The following GRXCR1 variants were observed in gnomAD, a reference collection of about 807,000 sequenced individuals.
GRXCR1 encodes the protein glutaredoxin and cysteine rich domain containing 1.
In GRXCR1, 27 loss-of-function variants were observed where a neutral mutation model predicts 27.3. The ratio of observed to expected loss-of-function variants is 0.99; its 90% CI spans 0.73 to 1.37. The LOEUF is 1.37. GRXCR1 is among the 40% of genes most tolerant of loss of function. The probability of loss-of-function intolerance (pLI) is 0.00; values close to 1 mark genes in which losing one functional copy is unlikely to be tolerated. For synonymous variants in GRXCR1, 122 were observed against 131.1 expected, an observed-to-expected ratio of 0.93 and a Z score of 0.47; for missense variants, 379 against 354.4, an observed-to-expected ratio of 1.07 and a Z score of -0.56.
rs544662513 is a variant in GRXCR1, at chr4:43,029,980, A to G, written c.694-381A>G. Among the ~76,000 whole-genome samples the G allele has an allele frequency of 1.7e-4, 26 of 152,324 alleles. No homozygotes were observed. The East Asian group carries it at 3.3e-3, about 19-fold the overall frequency. On this transcript the variant is annotated intron_variant, in intron 3 of 3. Coordinates refer to ENST00000399770, the MANE Select transcript of GRXCR1 (RefSeq NM_001080476.3). ...ATATGCTATTCTATAAACAGACATG[A>G]AACTGTTAAATGATACTAATGGGAA... is the stretch of plus-strand genomic sequence containing the variant.
intron 1 of GRXCR1, among the ~76,000 whole-genome samples, chr4:42,910,376 A>T (rs898964110): frequency 1.3e-5 from 2 of 151,594 alleles, no homozygotes; most frequent in Admixed American, 1.3e-4. Context: ...AATATTTAGA[A>T]TGACTTTCAG....
At chr4:42,944,300 G>T (rs1747693605) in intron 1 of GRXCR1, among the ~76,000 whole-genome samples, 1 of 151,942 alleles carries the variant, frequency 6.6e-6, no homozygotes, top group Non-Finnish European at 1.5e-5. Flanking sequence ...TTTTAAATGT[G>T]CTATGTCTGT....
At chr4:42,922,511 G>A (rs772151739) in intron 1 of GRXCR1, among the ~76,000 whole-genome samples, 18 of 152,120 alleles carry the variant, frequency 1.2e-4, no homozygotes, top group Admixed American at 5.2e-4. Context: ...CCCATCTGGA[G>A]AGATAGTTCT....
At chr4:42,987,331 G>A (rs904141382) in intron 2 of GRXCR1, among the ~76,000 whole-genome samples, 3 of 144,564 alleles carry the variant, frequency 2.1e-5, no homozygotes, top group Admixed American at 7.2e-5. Context: ...CATCCAGACT[G>A]AAGTGTGGTG....
chr4:42,924,958 A>T (rs764173480), intron 1 of GRXCR1, among the ~76,000 whole-genome samples: 1 of 152,012 alleles, frequency 6.6e-6, no homozygotes, highest in Non-Finnish European at 1.5e-5. Context: ...CCTGTAAACA[A>T]TATGCATTTG....
intron 2 of GRXCR1, among the ~76,000 whole-genome samples, chr4:42,985,452 G>A (rs1711684343): frequency 6.6e-6 from 1 of 152,006 alleles, no homozygotes; most frequent in South Asian, 2.1e-4. Context: ...CTGCTATTCT[G>A]TAGGTAGGTG....
intron 2 of GRXCR1, among the ~76,000 whole-genome samples, chr4:42,963,747 T>C (rs192153063): frequency 2.6e-4 from 40 of 152,086 alleles, no homozygotes; most frequent in African/African-American, 8.2e-4. Flanking sequence ...TTAACTCCCA[T>C]TGATCTGTGA....
In GRXCR1 at chr4:42,955,020, G is replaced by A. The variant is rs528453167; in HGVS notation, c.385-7872G>A. On this transcript the variant is annotated intron_variant, in intron 1 of 3. Transcript: ENST00000399770. ...ACAGAATATCATGGAGAGGGAGAGA[G>A]AGCGATATATGTAAAATTTCTTGCC... Among the ~76,000 whole-genome samples, 11 of 152,190 alleles carry A rather than the reference G, an allele frequency of 7.2e-5. No homozygotes were observed. The East Asian group carries it at 2.1e-3, about 30-fold the overall frequency.
At chr4:43,018,328 A>G (rs916958213) in intron 2 of GRXCR1, among the ~76,000 whole-genome samples, 8 of 152,134 alleles carry the variant, frequency 5.3e-5, no homozygotes, top group Admixed American at 2.0e-4. Context: ...GTCCTCTGTT[A>G]TGGAGCAGCT....
chr4:42,993,475 A>G (rs949804383), intron 2 of GRXCR1, among the ~76,000 whole-genome samples: 12 of 152,274 alleles, frequency 7.9e-5, no homozygotes, highest in African/African-American at 2.6e-4. Context: ...TAAACTCATC[A>G]TAAGTGTAAA....
chr4:42,993,085 C>T (rs1209526296), intron 2 of GRXCR1, among the ~76,000 whole-genome samples: 1 of 152,076 alleles, frequency 6.6e-6, no homozygotes, highest in East Asian at 1.9e-4. Context: ...GCTATGTCCC[C>T]TCGTTCTCCC....
At chr4:42,956,748 A>G (rs990108191) in intron 1 of GRXCR1, among the ~76,000 whole-genome samples, 2 of 152,080 alleles carry the variant, frequency 1.3e-5, no homozygotes, top group Non-Finnish European at 2.9e-5. Flanking sequence ...CCCTGGGGGA[A>G]CTGTTTGTTT....
intron 1 of GRXCR1, among the ~76,000 whole-genome samples, chr4:42,953,641 A>C (rs2109770359): frequency 6.6e-6 from 1 of 152,274 alleles, no homozygotes; most frequent in South Asian, 2.1e-4. Context: ...TTTTTTTTAG[A>C]AAAGAGCAAT....
chr4:42,944,994 C>T (rs1747709128), intron 1 of GRXCR1, among the ~76,000 whole-genome samples: 1 of 152,096 alleles, frequency 6.6e-6, no homozygotes, highest in Admixed American at 6.6e-5. Flanking sequence ...CTCCCAAGGT[C>T]ATGGTAAAGG....
chr4:42,981,554 G>A (rs1748670071), intron 2 of GRXCR1, among the ~76,000 whole-genome samples: 1 of 152,100 alleles, frequency 6.6e-6, no homozygotes, highest in Non-Finnish European at 1.5e-5. Context: ...AGATGTCTTT[G>A]TGTTACTCAT....
chr4:42,894,947 A>T (rs1746315160), intron 1 of GRXCR1, among the ~76,000 whole-genome samples: 2 of 152,166 alleles, frequency 1.3e-5, no homozygotes. Flanking sequence ...TACATTCATT[A>T]TGATTAACTT....
rs1747688840 is a variant in GRXCR1, at chr4:42,944,091, C to G, written c.385-18801C>G. 2.0e-5 allele frequency among the ~76,000 whole-genome samples: 3 copies of G among 152,022 alleles called. No individual in the cohort carries two copies. The South Asian group carries it at 6.2e-4, about 32-fold the overall frequency. ...AGGCAGCAATAGGAACAGAGCAATACAGATAAGAGAGAACATTTATAAGGA... is the reference window on the plus strand; with the variant it reads ...AGGCAGCAATAGGAACAGAGCAATAGAGATAAGAGAGAACATTTATAAGGA... On this transcript the variant is annotated intron_variant, in intron 1 of 3. Coordinates refer to ENST00000399770, the MANE Select transcript of GRXCR1 (RefSeq NM_001080476.3).
At chr4:42,976,543 A>C (rs1164466587) in intron 2 of GRXCR1, among the ~76,000 whole-genome samples, 1 of 151,982 alleles carries the variant, frequency 6.6e-6, no homozygotes, top group Non-Finnish European at 1.5e-5. Flanking sequence ...ACACCCACGA[A>C]ACCAGCACCC....
At position 42,893,334 on chromosome 4, in the gene GRXCR1, C is replaced by T. The variant is rs1417633956; in HGVS notation, c.68C>T (p.Ser23Phe). 4 of 1,613,790 alleles carry T rather than the reference C, an allele frequency of 2.5e-6. No individual in the cohort carries two copies. Among genetic ancestry groups the T allele is most frequent in the Non-Finnish European group, 3.4e-6 (4 of 1,179,794 alleles). ...AAAGTCCGGTTTCGGATCGCGTCCT[C>T]TCACAGTGGGCGAGTTCTGAAGGAA... ...PRKVRFRIASSHSGRVLKEVY... is the reference protein window; with the variant it reads ...PRKVRFRIASFHSGRVLKEVY... The change falls in exon 1 of 4, where the codon TCT becomes TTT. Residue 23 changes from serine to phenylalanine, a missense_variant. By Grantham distance (155) the Ser-to-Phe change is radical. Coordinates refer to ENST00000399770, the MANE Select transcript of GRXCR1 (RefSeq NM_001080476.3).
Sources: allele counts gnomAD v4.1 joint callset (sites outside exome capture counted in the v4.1 genomes callset), GRCh38; gene constraint gnomAD v4.1.1; transcripts MANE v1.5; gene names NCBI Gene and HGNC (gene_info 2026-07-23, HGNC 2026-07-21).